SCAPER: variants seen among roughly 807,000 people sequenced by gnomAD.
The protein encoded by SCAPER is S-phase cyclin A associated protein in the ER, also known as S phase cyclin A-associated protein in the endoplasmic reticulum.
In SCAPER, 98 loss-of-function variants were observed where a neutral mutation model predicts 182.2. The ratio of observed to expected loss-of-function variants is 0.54; its 90% CI spans 0.46 to 0.64. SCAPER has a LOEUF of 0.64. Ranked by LOEUF, SCAPER falls within the 30% of genes least tolerant of loss-of-function variation. SCAPER has a pLI of 0.00. For synonymous variants in SCAPER, 605 were observed against 564.6 expected, an observed-to-expected ratio of 1.07 and a Z score of -1.01; for missense variants, 1,432 against 1,690.0, an observed-to-expected ratio of 0.85 and a Z score of 2.68.
chr15:76,581,460 G>A (rs906883825), intron 22 of SCAPER, among the ~76,000 whole-genome samples: 2 of 152,164 alleles, frequency 1.3e-5, no homozygotes, highest in Non-Finnish European at 2.9e-5. Context: ...ATCATTCATT[G>A]TGACCAAATG....
intron 22 of SCAPER, among the ~76,000 whole-genome samples, chr15:76,618,397 T>C (rs2051695609): frequency 6.6e-6 from 1 of 152,240 alleles, no homozygotes; most frequent in African/African-American, 2.4e-5. Flanking sequence ...AAATTTTTCC[T>C]AGAAATTCTC....
chr15:76,861,946 C>T (rs1461272379), intron 3 of SCAPER: 1 of 152,222 alleles, frequency 6.6e-6, no homozygotes, highest in African/African-American at 2.4e-5. Context: ...AGGAGAAGTA[C>T]CGAGCTTAGG....
chr15:76,553,679 C>T (rs2045962524), intron 23 of SCAPER, among the ~76,000 whole-genome samples: 2 of 152,122 alleles, frequency 1.3e-5, no homozygotes, highest in Non-Finnish European at 1.5e-5. Flanking sequence ...TGGTCCCAGC[C>T]CCCGAGAGTA....
At chr15:76,751,668 C>CCATT (rs2062090971) in intron 15 of SCAPER, among the ~76,000 whole-genome samples, 1 of 151,608 alleles carries the variant, frequency 6.6e-6, no homozygotes, top group African/African-American at 2.4e-5. Context: ...GAAAACTCGA[C>CCATT]AGCCACATGG....
At chr15:76,799,737 G>C (rs2065614256) in intron 7 of SCAPER, among the ~76,000 whole-genome samples, 1 of 152,156 alleles carries the variant, frequency 6.6e-6, no homozygotes, top group Admixed American at 6.5e-5. Context: ...GAGGATGCCT[G>C]CAACGCTTGC....
chr15:76,372,396 C>T (rs1235319600), intron 29 of SCAPER, among the ~76,000 whole-genome samples: 2 of 152,168 alleles, frequency 1.3e-5, no homozygotes, highest in East Asian at 3.8e-4. Context: ...CCCACCATGT[C>T]CAAGTCAGGT....
At chr15:76,573,366 C>T (rs1327556040) in intron 23 of SCAPER, among the ~76,000 whole-genome samples, 1 of 151,906 alleles carries the variant, frequency 6.6e-6, no homozygotes, top group Non-Finnish European at 1.5e-5. Flanking sequence ...TTCTTTTGTA[C>T]ATATCAAATA....
intron 20 of SCAPER, among the ~76,000 whole-genome samples, chr15:76,698,730 G>A (rs2058778357): frequency 6.6e-6 from 1 of 152,176 alleles, no homozygotes; most frequent in African/African-American, 2.4e-5. Context: ...CACAAAAAAA[G>A]TGAGCTCAGA....
intron 29 of SCAPER, among the ~76,000 whole-genome samples, chr15:76,356,454 G>C (rs2040968039): frequency 6.6e-6 from 1 of 152,148 alleles, no homozygotes; most frequent in Non-Finnish European, 1.5e-5. Context: ...GCCTTAGGTG[G>C]TAAAATGTCA....
At position 76,564,181 on chromosome 15, in the gene SCAPER, GA is replaced by G. The variant is rs544085007; in HGVS notation, c.2838+9976del. 1.0e-3 allele frequency among the ~76,000 whole-genome samples: 159 copies of G among 152,052 alleles called. No homozygotes were observed. The Middle Eastern group carries it at 0.014, about 13-fold the overall frequency. On this transcript the variant is annotated intron_variant, in intron 23 of 31. Transcript: ENST00000563290. The stretch of plus-strand genomic sequence containing the variant: ...TCCTGGCCAGGGCAATCAGGCAAGA[GA>G]AAAAAATAAAGGACATCCAAATAGA...
chr15:76,888,624 C>T (rs780907319), intron 1 of SCAPER, among the ~76,000 whole-genome samples: 1 of 151,228 alleles, frequency 6.6e-6, no homozygotes. Context: ...CAAGATTAGA[C>T]AAAAAAAAGA....
At chr15:76,475,766 C>T (rs760389594) in intron 24 of SCAPER, among the ~76,000 whole-genome samples, 1 of 152,176 alleles carries the variant, frequency 6.6e-6, no homozygotes, top group African/African-American at 2.4e-5. Context: ...TTTCAAAGAC[C>T]CTTGAAAGCG....
chr15:76,641,859 T>C (rs1369370875), intron 21 of SCAPER, among the ~76,000 whole-genome samples: 1 of 152,200 alleles, frequency 6.6e-6, no homozygotes, highest in African/African-American at 2.4e-5. Context: ...ATCATTATCA[T>C]CATCAATACT....
intron 2 of SCAPER, among the ~76,000 whole-genome samples, chr15:76,867,465 G>A (rs888324329): frequency 2.0e-5 from 3 of 152,104 alleles, no homozygotes; most frequent in African/African-American, 7.2e-5. Flanking sequence ...CTGGAATCCT[G>A]TTCAGTAATT....
At chr15:76,774,704 T>C in intron 9 of SCAPER, 151 bp downstream of exon 9, 1 of 725,938 alleles carries the variant, frequency 1.4e-6, no homozygotes, top group Non-Finnish European at 2.2e-6. Context: ...GAGGAGTTCG[T>C]TGTTCTATTC....
At chr15:76,563,314 AAT>A (rs1229733499) in intron 23 of SCAPER, among the ~76,000 whole-genome samples, 1 of 152,192 alleles carries the variant, frequency 6.6e-6, no homozygotes, top group Admixed American at 6.5e-5. Context: ...ATAGTCCAAA[AAT>A]AGTTAGTTTA....
At chr15:76,707,472 T>C (rs1201040964) in intron 17 of SCAPER, among the ~76,000 whole-genome samples, 2 of 152,106 alleles carry the variant, frequency 1.3e-5, no homozygotes, top group African/African-American at 4.8e-5. Context: ...CGGCTATATT[T>C]ACAACAGAGA....
intron 20 of SCAPER, among the ~76,000 whole-genome samples, chr15:76,682,696 C>G (rs944385700): frequency 2.0e-5 from 3 of 152,098 alleles, no homozygotes; most frequent in Admixed American, 2.0e-4. Flanking sequence ...TTCAGCCCCT[C>G]CAGGAAAGCA....
At chr15:76,866,816 G>C (rs1172013680) in intron 2 of SCAPER, among the ~76,000 whole-genome samples, 1 of 152,092 alleles carries the variant, frequency 6.6e-6, no homozygotes, top group Admixed American at 6.5e-5. Flanking sequence ...TCATAAAATA[G>C]ATGTCTATTT....
Sources: gnomAD v4.1 joint callset for allele counts (sites outside exome capture counted in the v4.1 genomes callset) on GRCh38, gnomAD v4.1.1 for gene constraint, MANE v1.5 for transcripts, NCBI Gene and HGNC (gene_info 2026-07-23, HGNC 2026-07-21) for gene names.